The following TTC28 variants were observed in gnomAD, a reference collection of about 807,000 sequenced individuals.
TTC28 encodes tetratricopeptide repeat domain 28.
In TTC28, 61 loss-of-function variants were observed where a neutral mutation model predicts 198.0. The observed-to-expected ratio is 0.31, with a 90% confidence interval of 0.25 to 0.38. The LOEUF (loss-of-function observed/expected upper bound fraction) is 0.38, where lower values mean the gene tolerates loss of function less well. Ranked by LOEUF, TTC28 falls within the 10% of genes least tolerant of loss-of-function variation. The pLI is 1.00. For missense variants in TTC28, 2,678 were observed against 3,164.0 expected (o/e 0.85, Z 3.69); for synonymous variants, 1,171 against 1,297.8 (o/e 0.90, Z 2.10).
chr22:28,191,926 G>T (rs1690135330), intron 5 of TTC28, among the ~76,000 whole-genome samples: 1 of 152,226 alleles, frequency 6.6e-6, no homozygotes, highest in South Asian at 2.1e-4. Flanking sequence ...CTGTCTGACA[G>T]CTTTGAAGAG....
At chr22:28,434,226 A>G (rs1263681666) in intron 2 of TTC28, among the ~76,000 whole-genome samples, 1 of 152,254 alleles carries the variant, frequency 6.6e-6, no homozygotes, top group Non-Finnish European at 1.5e-5. Context: ...AAATAATTCT[A>G]CATTCCTTAA....
At chr22:28,458,127 A>G (rs1039603687) in intron 2 of TTC28, among the ~76,000 whole-genome samples, 1 of 152,010 alleles carries the variant, frequency 6.6e-6, no homozygotes, top group Non-Finnish European at 1.5e-5. Flanking sequence ...TACTAGGTAT[A>G]AAATATGTTT....
intron 11 of TTC28, 48 bp downstream of exon 11, chr22:28,096,142 A>T: frequency 6.8e-7 from 1 of 1,474,924 alleles, no homozygotes; most frequent in East Asian, 2.5e-5. Context: ...TTAGACTTTC[A>T]CAGGTCTAGT....
At chr22:28,060,316 C>G (rs1940468978) in intron 12 of TTC28, among the ~76,000 whole-genome samples, 1 of 152,178 alleles carries the variant, frequency 6.6e-6, no homozygotes, top group Non-Finnish European at 1.5e-5. Context: ...TCTCATTCTT[C>G]AATTCCCACC....
intron 6 of TTC28, among the ~76,000 whole-genome samples, chr22:28,158,727 A>G (rs768679299): frequency 3.3e-5 from 5 of 152,208 alleles, no homozygotes; most frequent in Non-Finnish European, 7.4e-5. Flanking sequence ...GAATGAAACT[A>G]GACCCCTATC....
chr22:27,998,631 C>T lies in TTC28; in HGVS notation c.5028G>A (p.Leu1676=), dbSNP rs766938693. ...CGGCGCTGGCTTTCAGGCCGTTCAG[C>T]AGGGATGAGTAGAAGGCATGGATGA... The part of the protein sequence containing the change: ...KMFIHAFYSS[L]LNGLKASAAL... The change falls in exon 16 of 23, where the codon CTG becomes CTA. Residue 1676 remains leucine (L), a synonymous_variant. Transcript: ENST00000397906. 1.3e-6 allele frequency: 2 copies of T among 1,550,730 alleles called. No homozygotes were observed. The highest frequency in any genetic ancestry group is 1.2e-5 in the South Asian group (1 of 84,066).
intron 2 of TTC28, among the ~76,000 whole-genome samples, chr22:28,565,430 C>G (rs531936280): frequency 1.7e-4 from 26 of 152,274 alleles, no homozygotes; most frequent in Non-Finnish European, 3.4e-4. Context: ...TTGATATATT[C>G]TGCACACACA....
At chr22:28,247,397 A>C (rs142788323) in intron 5 of TTC28, among the ~76,000 whole-genome samples, 30 of 152,342 alleles carry the variant, frequency 2.0e-4, no homozygotes, top group African/African-American at 7.2e-4. Context: ...AGTTGCTTAC[A>C]GTTCAACTCA....
At chr22:28,337,599 G>C (rs745501624) in intron 2 of TTC28, among the ~76,000 whole-genome samples, 101 of 152,208 alleles carry the variant, frequency 6.6e-4, no homozygotes, top group Middle Eastern at 6.8e-3. Flanking sequence ...ATGTAATGGC[G>C]TTCTTTGTCT....
At chr22:28,362,324 G>A (rs1397498908) in intron 2 of TTC28, among the ~76,000 whole-genome samples, 4 of 152,054 alleles carry the variant, frequency 2.6e-5, no homozygotes, top group African/African-American at 4.8e-5. Context: ...GCTGTCATCC[G>A]TGTAAGATGT....
chr22:28,264,722 A>G (rs1473747799), intron 5 of TTC28, among the ~76,000 whole-genome samples: 3 of 152,184 alleles, frequency 2.0e-5, no homozygotes, highest in Non-Finnish European at 4.4e-5. Flanking sequence ...TTCTGCATGG[A>G]GCATCAAGGG....
chr22:28,387,365 G>C (rs2046626626), intron 2 of TTC28, among the ~76,000 whole-genome samples: 1 of 152,200 alleles, frequency 6.6e-6, no homozygotes, highest in South Asian at 2.1e-4. Flanking sequence ...ACCCAGTAAT[G>C]GGATGGCTGG....
intron 2 of TTC28, among the ~76,000 whole-genome samples, chr22:28,505,792 C>T (rs2048603671): frequency 6.6e-6 from 1 of 152,202 alleles, no homozygotes; most frequent in African/African-American, 2.4e-5. Context: ...TCTGCAGGCC[C>T]CACTTCCACG....
intron 2 of TTC28, among the ~76,000 whole-genome samples, chr22:28,392,687 C>T (rs1283726890): frequency 3.7e-4 from 57 of 152,264 alleles, no homozygotes; most frequent in Middle Eastern, 3.4e-3. Flanking sequence ...GGCAATGCCT[C>T]GCCCTGCTTC....
chr22:28,607,102 G>C (rs1004216508), intron 2 of TTC28, among the ~76,000 whole-genome samples: 1 of 152,172 alleles, frequency 6.6e-6, no homozygotes. Context: ...AACAGGCCTT[G>C]ATAAGTTTCT....
At chr22:28,157,199 T>C (rs990578840) in intron 6 of TTC28, among the ~76,000 whole-genome samples, 3 of 152,128 alleles carry the variant, frequency 2.0e-5, no homozygotes, top group East Asian at 1.9e-4. Context: ...TTGGAAAATC[T>C]AGATGAAATG....
In TTC28 at chr22:28,679,761, G is replaced by C. The variant is rs1054056094; in HGVS notation, c.-38C>G. 2.7e-6 allele frequency: 3 copies of C among 1,110,042 alleles called. No homozygotes were observed. The highest frequency in any genetic ancestry group is 1.7e-5 in the African/African-American group (1 of 60,506). 68.8% of individuals were successfully genotyped at this position (1,110,042 alleles called of 1,614,324 possible). A position where few individuals can be genotyped will look rare whatever the true frequency, so the allele number is the denominator to read the frequency against. ...CGGGCCGCGTCCGCCTCGAGCTAAC[G>C]GTCCCGCCAGCTAGGCGCGCGCGCC... On this transcript the variant is annotated 5_prime_UTR_variant, in exon 1 of 23. Coordinates refer to ENST00000397906, the MANE Select transcript of TTC28 (RefSeq NM_001145418.2).
chr22:28,525,591 A>G (rs780768582), intron 2 of TTC28, among the ~76,000 whole-genome samples: 127 of 152,132 alleles, frequency 8.3e-4, no homozygotes, highest in Non-Finnish European at 3.4e-4. Flanking sequence ...AGAGAACTTC[A>G]TTTTTTCTTT....
intron 5 of TTC28, among the ~76,000 whole-genome samples, chr22:28,231,881 G>A (rs1007096170): frequency 1.3e-5 from 2 of 152,248 alleles, no homozygotes; most frequent in Admixed American, 6.5e-5. Flanking sequence ...AAGATGTAAG[G>A]GACGTTTTCT....
Sources: allele counts gnomAD v4.1 joint callset (sites outside exome capture counted in the v4.1 genomes callset), GRCh38; gene constraint gnomAD v4.1.1; transcripts MANE v1.5; gene names NCBI Gene and HGNC (gene_info 2026-07-23, HGNC 2026-07-21).